SORCS2: variants seen among roughly 807,000 people sequenced by gnomAD.
SORCS2 encodes VPS10 domain-containing receptor SorCS2.
Under a neutral mutation model 141.6 loss-of-function variants are expected in SORCS2, and 100 were observed. That is an observed-to-expected ratio of 0.71 (90% CI 0.60 to 0.83). The LOEUF is 0.83. SORCS2 is among the 40% of genes least tolerant of loss of function. SORCS2 has a pLI of 0.00. For missense variants in SORCS2, 1,646 were observed against 1,560.2 expected (o/e 1.05, Z -0.93); for synonymous variants, 789 against 676.9 (o/e 1.17, Z -2.57).
At position 7,373,458 on chromosome 4, in the gene SORCS2, T is replaced by TATATATATATATA. The variant is rs60884163; in HGVS notation, c.481-22830_481-22829insATATATATATATA. 4.7e-3 allele frequency among the ~76,000 whole-genome samples: 385 copies of TATATATATATATA among 82,392 alleles called. 55 individuals are homozygous for TATATATATATATA. Among genetic ancestry groups the TATATATATATATA allele is most frequent in the African/African-American group, 7.3e-3 (102 of 14,056 alleles). The allele number at this position is 82,392 out of a possible 152,430, so 54.1% of individuals were successfully genotyped here. A position where few individuals can be genotyped will look rare whatever the true frequency, so the allele number is the denominator to read the frequency against. ...TGTTGTATTGAATTGTGAGAAACTT[T>TATATATATATATA]TATATATATATATATATATATTTTT... On this transcript the variant is annotated intron_variant, in intron 1 of 26. Transcript: ENST00000507866.
Position 7,575,458 on chromosome 4 carries a change from C to A in SORCS2, c.648+43829C>A, listed in dbSNP as rs115502391. ...CATCTATATGTATAGATGCATATAG[C>A]TCTGAATTCAACTGCTACATTTTTA... On this transcript the variant is annotated intron_variant, in intron 3 of 26. Coordinates refer to ENST00000507866, the MANE Select transcript of SORCS2 (RefSeq NM_020777.3). Among the ~76,000 whole-genome samples the A allele has an allele frequency of 6.3e-3, 964 of 152,254 alleles. 12 individuals are homozygous for A. Among genetic ancestry groups the A allele is most frequent in the African/African-American group, 0.022 (927 of 41,534 alleles).
intron 3 of SORCS2, among the ~76,000 whole-genome samples, chr4:7,571,131 G>A (rs921877235): frequency 6.6e-6 from 1 of 152,252 alleles, no homozygotes; most frequent in African/African-American, 2.4e-5. Flanking sequence ...TCATGCTGGT[G>A]TTTGTTCAAG....
intron 3 of SORCS2, among the ~76,000 whole-genome samples, chr4:7,606,480 C>T (rs1718073138): frequency 6.6e-6 from 1 of 152,120 alleles, no homozygotes; most frequent in Admixed American, 6.5e-5. Context: ...ACGGTCACCT[C>T]CCAGACCTGT....
At chr4:7,477,197 G>A (rs1311595307) in intron 2 of SORCS2, among the ~76,000 whole-genome samples, 1 of 151,244 alleles carries the variant, frequency 6.6e-6, no homozygotes, top group Non-Finnish European at 1.5e-5. Context: ...CGTGGCCTCC[G>A]GCACCAAGGC....
intron 1 of SORCS2, among the ~76,000 whole-genome samples, chr4:7,273,105 G>A (rs1312002288): frequency 6.6e-6 from 1 of 152,230 alleles, no homozygotes; most frequent in Admixed American, 6.5e-5. Flanking sequence ...GGTGGGGAAG[G>A]ACTTCTAGTT....
At chr4:7,621,517 ATG>A (rs974604987) in intron 3 of SORCS2, among the ~76,000 whole-genome samples, 2 of 145,660 alleles carry the variant, frequency 1.4e-5, no homozygotes, top group African/African-American at 5.2e-5. Context: ...CTGTATGTTT[ATG>A]TGTGTGTCTA....
rs920546700 is a variant in SORCS2, at chr4:7,663,330, T to TTGAGTGAGTGAGTGAG, written c.953-1017_953-1002dup. 5.3e-5 allele frequency among the ~76,000 whole-genome samples: 8 copies of TTGAGTGAGTGAGTGAG among 149,796 alleles called. No homozygotes were observed. The highest frequency in any genetic ancestry group is 2.0e-4 in the African/African-American group (8 of 40,530). On this transcript the variant is annotated intron_variant, in intron 6 of 26. Coordinates refer to ENST00000507866, the MANE Select transcript of SORCS2 (RefSeq NM_020777.3). This position sits in a 1 kb window ranked among gnomAD's most constrained non-coding sequence, Gnocchi z 4.8. ...AGTGAATGAATGAGTGAGTGAGTGA[T>TTGAGTGAGTGAGTGAG]TGAGTGAGTGAGTGAGTGAGTCAGT... is the stretch of plus-strand genomic sequence containing the variant.
intron 1 of SORCS2, among the ~76,000 whole-genome samples, chr4:7,389,931 C>A (rs1199256499): frequency 1.3e-5 from 2 of 152,154 alleles, no homozygotes; most frequent in Non-Finnish European, 1.5e-5. Context: ...GGCCTCCCTC[C>A]TGGGGATGCC....
chr4:7,535,877 G>A (rs1712081973), intron 3 of SORCS2, among the ~76,000 whole-genome samples: 1 of 152,264 alleles, frequency 6.6e-6, no homozygotes, highest in East Asian at 1.9e-4. Flanking sequence ...GCCCGGGTCA[G>A]GCTGCTTGCT....
At chr4:7,221,495 T>A (rs1728703914) in intron 1 of SORCS2, among the ~76,000 whole-genome samples, 2 of 152,250 alleles carry the variant, frequency 1.3e-5, no homozygotes. Flanking sequence ...GAGCTGGAAT[T>A]GAACTGGGGG....
intron 2 of SORCS2, among the ~76,000 whole-genome samples, chr4:7,448,485 G>A (rs1490589601): frequency 8.4e-5 from 2 of 23,850 alleles, no homozygotes; most frequent in Admixed American, 1.3e-3. Flanking sequence ...CTTCTTCCAT[G>A]TCTCCCTTCC....
intron 2 of SORCS2, among the ~76,000 whole-genome samples, chr4:7,410,840 C>A (rs1184732217): frequency 6.6e-6 from 1 of 151,702 alleles, no homozygotes; most frequent in East Asian, 1.9e-4. Flanking sequence ...CCTTGAGGTG[C>A]CTTTAAAATG....
At chr4:7,561,755 C>G (rs1031242893) in intron 3 of SORCS2, among the ~76,000 whole-genome samples, 1 of 152,064 alleles carries the variant, frequency 6.6e-6, no homozygotes, top group Non-Finnish European at 1.5e-5. Context: ...ATCCACCCAT[C>G]TCTCCCTCAA....
rs1721199591 is a variant in SORCS2, at chr4:7,648,148, G to C, written c.814-5986G>C. 6.6e-6 allele frequency among the ~76,000 whole-genome samples: 1 copy of C among 151,932 alleles called. No individual in the cohort carries two copies. Among genetic ancestry groups the C allele is most frequent in the South Asian group, 2.1e-4 (1 of 4,810 alleles). ...TCTGGGATTGTGGTTGCAGGACCTG[G>C]TGGATGGTGGGAAGGAGGGAGGCCA... is the stretch of plus-strand genomic sequence containing the variant. On this transcript the variant is annotated intron_variant, in intron 4 of 26. Transcript: ENST00000507866. The surrounding 1 kb of genome is among the most constrained non-coding windows in gnomAD (Gnocchi z 4.2).
At chr4:7,285,579 C>T (rs999424888) in intron 1 of SORCS2, among the ~76,000 whole-genome samples, 1 of 152,222 alleles carries the variant, frequency 6.6e-6, no homozygotes, top group African/African-American at 2.4e-5. Flanking sequence ...AGCCAAGGCG[C>T]GAGCCCCTCC....
At chr4:7,366,374 G>A (rs75399718) in intron 1 of SORCS2, among the ~76,000 whole-genome samples, 10 of 151,698 alleles carry the variant, frequency 6.6e-5, no homozygotes, top group Non-Finnish European at 8.8e-5. Flanking sequence ...CCCTGCTCCC[G>A]GGCAGCCTGC....
intron 1 of SORCS2, among the ~76,000 whole-genome samples, chr4:7,267,714 C>G (rs1714844310): frequency 6.6e-6 from 1 of 152,190 alleles, no homozygotes; most frequent in South Asian, 2.1e-4. Flanking sequence ...GCCTGTAATC[C>G]CAGCTTCTCA....
At chr4:7,230,197 C>T (rs186830104) in intron 1 of SORCS2, among the ~76,000 whole-genome samples, 17 of 106,242 alleles carry the variant, frequency 1.6e-4, no homozygotes, top group East Asian at 3.2e-4. Context: ...GTCTCTGGGC[C>T]GGAGCAGTGT....
chr4:7,453,177 T>G (rs1286334254), intron 2 of SORCS2, among the ~76,000 whole-genome samples: 8 of 99,908 alleles, frequency 8.0e-5, no homozygotes, highest in South Asian at 3.7e-4. Context: ...GGGGTCAGGC[T>G]CTGTGTTGGG....
Sources: allele counts gnomAD v4.1 joint callset (sites outside exome capture counted in the v4.1 genomes callset), GRCh38; gene constraint gnomAD v4.1.1; non-coding constraint Gnocchi (gnomAD v3.1); transcripts MANE v1.5; gene names NCBI Gene and HGNC (gene_info 2026-07-23, HGNC 2026-07-21).